Variants in PLA1A observed in about 807,000 individuals in gnomAD.
The protein encoded by PLA1A is phosphatidylserine-specific phospholipase A1alpha.
In PLA1A, 47 loss-of-function variants were observed where a neutral mutation model predicts 49.4. The observed-to-expected ratio is 0.95, with a 90% confidence interval of 0.75 to 1.21. The LOEUF is 1.21. Ranked by LOEUF, PLA1A falls within the 50% of genes most tolerant of loss-of-function variation. PLA1A has a pLI of 0.00. For synonymous variants in PLA1A, 224 were observed against 207.9 expected (o/e 1.08, Z -0.67); for missense variants, 561 against 563.9 (o/e 0.99, Z 0.05).
At chr3:119,612,135 T>C (rs1234541385) in intron 4 of PLA1A, among the ~76,000 whole-genome samples, 1 of 152,190 alleles carries the variant, frequency 6.6e-6, no homozygotes, top group Admixed American at 6.5e-5. Context: ...GGTGCCCCAT[T>C]GGGGTGAGAG....
rs114662849 is a variant in PLA1A, at chr3:119,606,442, T to C, written c.74-332T>C. 4.5e-3 allele frequency among the ~76,000 whole-genome samples: 683 copies of C among 152,340 alleles called. 3 individuals carry two copies. The highest frequency in any genetic ancestry group is 0.016 in the African/African-American group (648 of 41,574). On this transcript the variant is annotated intron_variant, in intron 1 of 10. Coordinates refer to ENST00000273371, the MANE Select transcript of PLA1A (RefSeq NM_015900.4). ...CCAAATACAGTCACATTCTGAAGTA[T>C]TGGGGGTTAAGATTTCAACATATGA...
intron 1 of PLA1A, among the ~76,000 whole-genome samples, chr3:119,603,186 A>T (rs74864131): frequency 6.9e-6 from 1 of 143,962 alleles, no homozygotes; most frequent in Non-Finnish European, 1.5e-5. Flanking sequence ...AAAAAAAAAA[A>T]TCGTGACTGC....
intron 1 of PLA1A, chr3:119,600,268 C>T: frequency 6.2e-6 from 4 of 641,660 alleles, no homozygotes; most frequent in African/African-American, 5.4e-5. Context: ...TCATGACAAC[C>T]CCAGTCACAC....
chr3:119,625,529 GTAC>G (rs1206762886), intron 9 of PLA1A, among the ~76,000 whole-genome samples: 2 of 152,230 alleles, frequency 1.3e-5, no homozygotes, highest in Non-Finnish European at 2.9e-5. Context: ...AGAGGAAACA[GTAC>G]TCTGGAATCC....
chr3:119,614,553 C>T (rs568377328), intron 5 of PLA1A, among the ~76,000 whole-genome samples: 67 of 135,752 alleles, frequency 4.9e-4, no homozygotes, highest in South Asian at 2.1e-3. Context: ...TTGCAGTGAG[C>T]GGAGATCTTG....
At chr3:119,615,508 G>A (rs1367524214) in intron 5 of PLA1A, among the ~76,000 whole-genome samples, 13 of 152,292 alleles carry the variant, frequency 8.5e-5, no homozygotes, top group Admixed American at 8.5e-4. Flanking sequence ...AGGCAAATAT[G>A]AGCATCTTAC....
intron 2 of PLA1A, among the ~76,000 whole-genome samples, chr3:119,608,144 G>A (rs1489892409): frequency 1.3e-5 from 2 of 151,446 alleles, no homozygotes; most frequent in Non-Finnish European, 2.9e-5. Context: ...ATCAGTGGGT[G>A]AATGAGAGAA....
intron 1 of PLA1A, among the ~76,000 whole-genome samples, chr3:119,604,060 G>A (rs563844333): frequency 8.5e-5 from 13 of 152,282 alleles, no homozygotes; most frequent in South Asian, 6.2e-4. Flanking sequence ...TTTTATTGTC[G>A]TTTAGTTTTT....
chr3:119,620,103 C>T (rs1411454660), intron 8 of PLA1A: 2 of 457,450 alleles, frequency 4.4e-6, no homozygotes, highest in East Asian at 1.4e-4. Flanking sequence ...ACTGTTGCTC[C>T]TAACCATGGC....
chr3:119,613,001 C>T lies in PLA1A; in HGVS notation c.563-16C>T. On this transcript the variant is annotated splice_polypyrimidine_tract_variant and intron_variant, in intron 4 of 10. Coordinates refer to ENST00000273371, the MANE Select transcript of PLA1A (RefSeq NM_015900.4). The stretch of plus-strand genomic sequence containing the variant: ...CTGAGAGGAAAGAGGTCCCTCATAT[C>T]AGTCTCTTCTCACAGGCCTGGACCC... 2.6e-6 allele frequency: 4 copies of T among 1,511,024 alleles called. No homozygotes were observed. Among genetic ancestry groups the T allele is most frequent in the Non-Finnish European group, 3.6e-6 (4 of 1,105,486 alleles). 93.6% of individuals were successfully genotyped at this position (1,511,024 alleles called of 1,614,324 possible).
At chr3:119,621,248 G>A (rs984967495) in intron 8 of PLA1A, among the ~76,000 whole-genome samples, 3 of 152,212 alleles carry the variant, frequency 2.0e-5, no homozygotes, top group Non-Finnish European at 4.4e-5. Context: ...CCTGCTGAGG[G>A]GGTTCACAGG....
At chr3:119,626,408 T>A (rs1353553277) in intron 9 of PLA1A, among the ~76,000 whole-genome samples, 10 of 151,842 alleles carry the variant, frequency 6.6e-5, no homozygotes, top group East Asian at 5.8e-4. Flanking sequence ...GAAGACAGAG[T>A]CTGACTGAGT....
At chr3:119,617,162 A>G (rs964856553) in intron 6 of PLA1A, among the ~76,000 whole-genome samples, 2 of 152,248 alleles carry the variant, frequency 1.3e-5, no homozygotes, top group Non-Finnish European at 2.9e-5. Flanking sequence ...TAAATAGTAA[A>G]TAACAGTGAA....
chr3:119,624,836 G>C lies in PLA1A; in HGVS notation c.1013-288G>C, dbSNP rs180676402. On this transcript the variant is annotated intron_variant, in intron 8 of 10. Coordinates refer to ENST00000273371, the MANE Select transcript of PLA1A (RefSeq NM_015900.4). ...AGTAGAGATGGGGTTTCACCATGTT[G>C]GTCAGACTGGTCTCAAACTCCTGAC... Among the ~76,000 whole-genome samples, 93 of 152,262 alleles carry C rather than the reference G, an allele frequency of 6.1e-4. No homozygotes were observed. The East Asian group carries it at 0.017, about 28-fold the overall frequency.
At chr3:119,600,754 G>A (rs556819867) in intron 1 of PLA1A, among the ~76,000 whole-genome samples, 1 of 152,362 alleles carries the variant, frequency 6.6e-6, no homozygotes, top group Non-Finnish European at 1.5e-5. Flanking sequence ...CCATTTCAGA[G>A]ACACTCCTGG....
Position 119,629,496 on chromosome 3 carries a change from GCA to G in PLA1A, c.*29_*30del, listed in dbSNP as rs1491463533. The G allele has an allele frequency of 9.3e-7, 1 of 1,071,654 alleles. No homozygotes were observed. The highest frequency in any genetic ancestry group is 2.4e-5 in the Admixed American group (1 of 42,132). The allele number at this position is 1,071,654 out of a possible 1,614,324, so 66.4% of individuals were successfully genotyped here. A position where few individuals can be genotyped will look rare whatever the true frequency, so the allele number is the denominator to read the frequency against. On this transcript the variant is annotated 3_prime_UTR_variant, in exon 11 of 11. Coordinates refer to ENST00000273371, the MANE Select transcript of PLA1A (RefSeq NM_015900.4). ...TAACCTGGGCAGGACACATCTCCCT[GCA>G]TTTTTTTTTTTTTTTTGAGAGAGAG...
In PLA1A at chr3:119,629,798, A is replaced by G. The variant is rs2052601712; in HGVS notation, c.*330A>G. 3.8e-6 allele frequency: 1 copy of G among 261,462 alleles called. No homozygotes were observed. Among genetic ancestry groups the G allele is most frequent in the African/African-American group, 2.2e-5 (1 of 45,528 alleles). The allele number at this position is 261,462 out of a possible 1,614,324, so 16.2% of individuals were successfully genotyped here. Reference sequence around the variant, plus strand: ...AACAATTTTTTAAAAATAAAACTTCATGGAGTATCTGAATCATTTAATTGT... The same window carrying G: ...AACAATTTTTTAAAAATAAAACTTCGTGGAGTATCTGAATCATTTAATTGT... On this transcript the variant is annotated 3_prime_UTR_variant, in exon 11 of 11. Coordinates refer to ENST00000273371, the MANE Select transcript of PLA1A (RefSeq NM_015900.4).
At position 119,629,498 on chromosome 3, in the gene PLA1A, A is replaced by ATTT. The variant is rs3054091; in HGVS notation, c.*44_*46dup. Reference sequence around the variant, plus strand: ...ACCTGGGCAGGACACATCTCCCTGCATTTTTTTTTTTTTTTTGAGAGAGAG... The same window carrying ATTT: ...ACCTGGGCAGGACACATCTCCCTGCATTTTTTTTTTTTTTTTTTTGAGAGAGAG... On this transcript the variant is annotated 3_prime_UTR_variant, in exon 11 of 11. Coordinates refer to ENST00000273371, the MANE Select transcript of PLA1A (RefSeq NM_015900.4). 0.16 allele frequency: 131,779 copies of ATTT among 845,984 alleles called. 4,315 individuals carry two copies. The highest frequency in any genetic ancestry group is 0.19 in the Middle Eastern group (793 of 4,080). The allele number at this position is 845,984 out of a possible 1,614,324, so 52.4% of individuals were successfully genotyped here. A position where few individuals can be genotyped will look rare whatever the true frequency, so the allele number is the denominator to read the frequency against.
chr3:119,617,655 A>G (rs1182465539), intron 6 of PLA1A, among the ~76,000 whole-genome samples: 4 of 151,958 alleles, frequency 2.6e-5, no homozygotes, highest in Non-Finnish European at 5.9e-5. Context: ...AGGCAGGAAA[A>G]TTGCTTAAAC....
Sources: allele counts gnomAD v4.1 joint callset (sites outside exome capture counted in the v4.1 genomes callset), GRCh38; gene constraint gnomAD v4.1.1; transcripts MANE v1.5; gene names NCBI Gene and HGNC (gene_info 2026-07-23, HGNC 2026-07-21).